Variants in GRM7 observed in about 807,000 individuals in gnomAD.
GRM7 encodes glutamate metabotropic receptor 7.
GRM7 carries 35 observed loss-of-function variants against 84.5 expected under a neutral mutation model. The ratio of observed to expected loss-of-function variants is 0.41; its 90% CI spans 0.32 to 0.55. The LOEUF is 0.55. Among genes scored for constraint, GRM7 ranks in the 20% least tolerant of loss-of-function variants. GRM7 has a pLI of 0.19. For missense variants in GRM7, 1,003 were observed against 1,194.6 expected, an observed-to-expected ratio of 0.84 and a Z score of 2.36; for synonymous variants, 487 against 455.1, an observed-to-expected ratio of 1.07 and a Z score of -0.89.
intron 1 of GRM7, among the ~76,000 whole-genome samples, chr3:7,041,373 A>C (rs1212198972): frequency 6.6e-6 from 1 of 152,244 alleles, no homozygotes; most frequent in Non-Finnish European, 1.5e-5. Context: ...TTTTAAAAAT[A>C]AATGAAATTA....
At chr3:7,090,799 A>G (rs952457341) in intron 1 of GRM7, among the ~76,000 whole-genome samples, 5 of 149,968 alleles carry the variant, frequency 3.3e-5, no homozygotes, top group Admixed American at 2.0e-4. Context: ...GGGATCCTCT[A>G]TCATACATGG....
chr3:7,680,935 G>A (rs1341931544), intron 9 of GRM7: 3 of 152,364 alleles, frequency 2.0e-5, no homozygotes, highest in Non-Finnish European at 4.4e-5. Context: ...AAAAACATTG[G>A]ATTTAAGATG....
intron 2 of GRM7, among the ~76,000 whole-genome samples, chr3:7,236,942 C>T (rs368752972): frequency 3.3e-5 from 5 of 152,142 alleles, no homozygotes; most frequent in East Asian, 3.8e-4. Flanking sequence ...TTTATTTACT[C>T]GTTCTTTCTC....
rs1456518687 is a variant in GRM7, at chr3:7,575,537, A to T, written c.1516-2885A>T. Among the ~76,000 whole-genome samples, 3 of 152,306 alleles carry T rather than the reference A, an allele frequency of 2.0e-5. No individual in the cohort carries two copies. The East Asian group carries it at 5.8e-4, about 29-fold the overall frequency. The stretch of plus-strand genomic sequence containing the variant: ...TTTTCAGCTGATTGTTTCTTATGAA[A>T]CAAGGCAGCGTATCTGTGTGGGTGG... On this transcript the variant is annotated intron_variant, in intron 7 of 9. Coordinates refer to ENST00000357716, the MANE Select transcript of GRM7 (RefSeq NM_000844.4).
At chr3:7,527,141 A>C (rs944015228) in intron 7 of GRM7, among the ~76,000 whole-genome samples, 6 of 152,066 alleles carry the variant, frequency 3.9e-5, no homozygotes, top group African/African-American at 1.4e-4. Context: ...AACAATATCC[A>C]TTCTTCCAAT....
chr3:7,574,574 G>A (rs1045631554), intron 7 of GRM7, among the ~76,000 whole-genome samples: 2 of 152,332 alleles, frequency 1.3e-5, no homozygotes, highest in East Asian at 1.9e-4. Context: ...ATAGAGTCAC[G>A]TGTCAAAACG....
intron 2 of GRM7, among the ~76,000 whole-genome samples, chr3:7,215,181 A>G (rs1302004627): frequency 6.6e-6 from 1 of 152,180 alleles, no homozygotes; most frequent in Non-Finnish European, 1.5e-5. Context: ...GATTTAGAAA[A>G]TATGGGGCAA....
chr3:7,328,075 T>G (rs1342962517), intron 4 of GRM7, among the ~76,000 whole-genome samples: 1 of 152,164 alleles, frequency 6.6e-6, no homozygotes, highest in Non-Finnish European at 1.5e-5. Context: ...TCCCTGCTTT[T>G]TTCATCCCAC....
rs776549390 is a variant in GRM7 at position 7,306,693 on chromosome 3, T to C, written c.1033+41T>C. 2.0e-6 allele frequency: 3 copies of C among 1,520,858 alleles called. No individual in the cohort carries two copies. The African/African-American group carries it at 4.2e-5, about 21-fold the overall frequency. The allele number at this position is 1,520,858 out of a possible 1,614,324, so 94.2% of individuals were successfully genotyped here. On this transcript the variant is annotated intron_variant, in intron 4 of 9. Coordinates refer to ENST00000357716, the MANE Select transcript of GRM7 (RefSeq NM_000844.4). ...GCAGTAGGTTTGCTGAGAGAAGTTC[T>C]GGTGCCATGCTGAATGGCCAAGCAT...
At chr3:7,734,624 C>A (rs1048732790) in intron 9 of GRM7, among the ~76,000 whole-genome samples, 2 of 152,168 alleles carry the variant, frequency 1.3e-5, no homozygotes, top group African/African-American at 4.8e-5. Context: ...CATGTTTTTA[C>A]CCCTGCCAAG....
chr3:7,222,853 T>G (rs887001416), intron 2 of GRM7, among the ~76,000 whole-genome samples: 19 of 152,330 alleles, frequency 1.2e-4, no homozygotes, highest in African/African-American at 4.3e-4. Context: ...TATTTCTTTT[T>G]TAGTGCCAGT....
At chr3:7,549,846 T>G (rs561300215) in intron 7 of GRM7, among the ~76,000 whole-genome samples, 25 of 152,346 alleles carry the variant, frequency 1.6e-4, no homozygotes, top group Middle Eastern at 6.8e-3. Context: ...AATGCTTGTG[T>G]TTTATGAATT....
intron 1 of GRM7, among the ~76,000 whole-genome samples, chr3:6,907,694 C>A (rs564119192): frequency 6.6e-6 from 1 of 152,050 alleles, no homozygotes; most frequent in Admixed American, 6.6e-5. Flanking sequence ...TTTTAAGGAA[C>A]CACGGAGAGA....
chr3:7,657,677 C>T (rs2125120432), intron 8 of GRM7, among the ~76,000 whole-genome samples: 1 of 152,214 alleles, frequency 6.6e-6, no homozygotes, highest in East Asian at 1.9e-4. Flanking sequence ...GAACGAATCA[C>T]ACGTTTTTGG....
rs528756564 is a variant in GRM7, at chr3:6,970,292, C to T, written c.519+108385C>T. 3.6e-3 allele frequency among the ~76,000 whole-genome samples: 542 copies of T among 152,256 alleles called. 1 individual carries two copies. The highest frequency in any genetic ancestry group is 0.012 in the African/African-American group (492 of 41,544). On this transcript the variant is annotated intron_variant, in intron 1 of 9. Coordinates refer to ENST00000357716, the MANE Select transcript of GRM7 (RefSeq NM_000844.4). ...ATTAGAAGCTGCTAAACTATCAAACCACAGCTTGCTCGGCCTCCCAACTAA... is the reference window on the plus strand; with the variant it reads ...ATTAGAAGCTGCTAAACTATCAAACTACAGCTTGCTCGGCCTCCCAACTAA...
chr3:6,915,758 A>G (rs544770599), intron 1 of GRM7, among the ~76,000 whole-genome samples: 4 of 152,232 alleles, frequency 2.6e-5, no homozygotes, highest in Non-Finnish European at 5.9e-5. Flanking sequence ...AGAATTCAGT[A>G]TCACAACTAA....
intron 1 of GRM7, among the ~76,000 whole-genome samples, chr3:7,009,361 A>T (rs1398162712): frequency 6.6e-6 from 1 of 152,244 alleles, no homozygotes; most frequent in Non-Finnish European, 1.5e-5. Context: ...TACAAGAACT[A>T]TTCATAAACC....
chr3:7,399,184 A>C (rs1183611289), intron 4 of GRM7, among the ~76,000 whole-genome samples: 2 of 49,264 alleles, frequency 4.1e-5, no homozygotes, highest in Non-Finnish European at 1.1e-4. Flanking sequence ...AAGAACAATA[A>C]TAATAATAAT....
intron 5 of GRM7, among the ~76,000 whole-genome samples, chr3:7,436,269 G>GT (rs1164925857): frequency 6.6e-6 from 1 of 151,672 alleles, no homozygotes; most frequent in Admixed American, 6.6e-5. Context: ...TTTGTTTATA[G>GT]TTTTTTTCTT....
Sources: gnomAD v4.1 joint callset for allele counts (sites outside exome capture counted in the v4.1 genomes callset) on GRCh38, gnomAD v4.1.1 for gene constraint, MANE v1.5 for transcripts, NCBI Gene and HGNC (gene_info 2026-07-23, HGNC 2026-07-21) for gene names.